The following MYH13 variants were observed in gnomAD, a reference collection of about 807,000 sequenced individuals.
The protein encoded by MYH13 is myosin heavy chain 13, also known as myosin-13.
Under a neutral mutation model 232.1 loss-of-function variants are expected in MYH13, and 177 were observed. The ratio of observed to expected loss-of-function variants is 0.76; its 90% CI spans 0.67 to 0.86. MYH13 has a LOEUF of 0.86. MYH13 is among the 40% of genes least tolerant of loss of function. The pLI is 0.00. For missense variants in MYH13, 2,246 were observed against 2,405.9 expected, an observed-to-expected ratio of 0.93 and a Z score of 1.39; for synonymous variants, 884 against 923.5, an observed-to-expected ratio of 0.96 and a Z score of 0.78.
chr17:10,370,920 A>C (rs2071873450), intron 2 of MYH13, among the ~76,000 whole-genome samples: 1 of 152,156 alleles, frequency 6.6e-6, no homozygotes, highest in South Asian at 2.1e-4. Flanking sequence ...GGACCCTATG[A>C]ACATCATGTT....
At chr17:10,341,161 G>A (rs2071616839) in intron 16 of MYH13, 1 of 151,874 alleles carries the variant, frequency 6.6e-6, no homozygotes, top group Admixed American at 6.6e-5. Flanking sequence ...TCCTGCCTCA[G>A]CCTCCCAAGT....
Position 10,306,889 on chromosome 17 carries a change from C to T in MYH13, c.5295+50G>A, listed in dbSNP as rs750801824. ...TTGCCACACCCTGGCTCAGAGGCCC[C>T]ACTTTCTCAGTTCCAAACCCCATCT... is the stretch of plus-strand genomic sequence containing the variant. On this transcript the variant is annotated intron_variant, in intron 36 of 40. Transcript: ENST00000252172. The surrounding 1 kb of genome is among the most constrained non-coding windows in gnomAD (Gnocchi z 4.3). 3.7e-6 allele frequency: 6 copies of T among 1,609,104 alleles called. No individual in the cohort carries two copies. In the South Asian group the frequency reaches 5.5e-5, roughly 15 times the overall value.
intron 8 of MYH13, 39 bp downstream of exon 8, chr17:10,357,696 G>A (rs1198441758): frequency 1.3e-6 from 2 of 1,580,160 alleles, no homozygotes; most frequent in Non-Finnish European, 1.7e-6. Context: ...GAGAGGGTAT[G>A]CTTTTGGGAG....
chr17:10,349,086 CT>C, intron 12 of MYH13, among the ~76,000 whole-genome samples: 1 of 113,466 alleles, frequency 8.8e-6, no homozygotes, highest in Non-Finnish European at 1.9e-5. Flanking sequence ...TTCTCCCCCT[CT>C]CTCTCTCTTT....
At position 10,345,280 on chromosome 17, in the gene MYH13, C is replaced by G; in HGVS notation, c.1506G>C (p.Glu502Asp). 1 of 1,614,190 alleles carries G rather than the reference C, an allele frequency of 6.2e-7. No individual in the cohort carries two copies. Among genetic ancestry groups the G allele is most frequent in the Non-Finnish European group, 8.5e-7 (1 of 1,180,028 alleles). The change falls in exon 15 of 41, where the codon GAG becomes GAC. Residue 502 changes from glutamate (E) to aspartate (D), a missense_variant. By Grantham distance (45) the Glu-to-Asp change is conservative (BLOSUM62 2). Coordinates refer to ENST00000252172, the MANE Select transcript of MYH13 (RefSeq NM_003802.3). ...NHHMFVLEQE[E>D]YKKEGIEWEF... ...CCCACTCGATGCCTTCCTTCTTGTA[C>G]TCTTCCTGCTCCAGCACGAACATGT...
rs751513177 is a variant in MYH13 at position 10,303,299 on chromosome 17, C to G, written c.5572-8G>C. 1 of 1,614,030 alleles carries G rather than the reference C, an allele frequency of 6.2e-7. No homozygotes were observed. The highest frequency in any genetic ancestry group is 1.1e-5 in the South Asian group (1 of 91,058). ...CTTGTGGTCCTCCTCAGCCTGCAAA[C>G]AGAGTACACGTGGCAGGGGCCCGCA... On this transcript the variant is annotated splice_region_variant and splice_polypyrimidine_tract_variant and intron_variant, in intron 38 of 40. Transcript: ENST00000252172.
At position 10,309,368 on chromosome 17, in the gene MYH13, C is replaced by T; in HGVS notation, c.5035G>A (p.Glu1679Lys). 6 of 1,612,986 alleles carry T rather than the reference C, an allele frequency of 3.7e-6. No homozygotes were observed. The highest frequency in any genetic ancestry group is 5.1e-6 in the Non-Finnish European group (6 of 1,179,496). ...TCCAGCAGGAGGCCATTCCTGCGCT[C>T]CACGATGGCCAGCTGCTCCTTGAGG... ...EDLKEQLAIVERRNGLLLEEL... is the reference protein window; with the variant it reads ...EDLKEQLAIVKRRNGLLLEEL... Residue 1679 changes from glutamate (E) to lysine (K), a missense_variant, in exon 35 of 41, where the codon GAG becomes AAG. Coordinates refer to ENST00000252172, the MANE Select transcript of MYH13 (RefSeq NM_003802.3).
rs1403391225 is a variant in MYH13 at position 10,345,219 on chromosome 17, TGCAG to T, written c.1563_1566del (p.Cys522SerfsTer81). Reference sequence around the variant, plus strand: ...CTCTCTACCTTCTCGATGAGCTCGATGCAGGCAGCCAGGTCCATTCCGAAGTCAA... The same window carrying T: ...CTCTCTACCTTCTCGATGAGCTCGATGCAGCCAGGTCCATTCCGAAGTCAA... On this transcript the variant is annotated frameshift_variant, in exon 15 of 41. Coordinates refer to ENST00000252172, the MANE Select transcript of MYH13 (RefSeq NM_003802.3). LOFTEE classifies it high-confidence loss of function. 6.2e-7 allele frequency: 1 copy of T among 1,614,028 alleles called. No homozygotes were observed. The highest frequency in any genetic ancestry group is 2.2e-5 in the East Asian group (1 of 44,894).
chr17:10,350,418 G>A, intron 12 of MYH13, 138 bp downstream of exon 12: 1 of 1,242,820 alleles, frequency 8.0e-7, no homozygotes, highest in Non-Finnish European at 1.1e-6. Context: ...ATGCTACAAT[G>A]AGCTTCAGGA....
At chr17:10,361,787 G>A (rs918608228) in intron 5 of MYH13, among the ~76,000 whole-genome samples, 10 of 152,196 alleles carry the variant, frequency 6.6e-5, no homozygotes, top group African/African-American at 1.9e-4. Flanking sequence ...TTTCTCCAAC[G>A]TAGCATTCCC....
At position 10,312,747 on chromosome 17, in the gene MYH13, C is replaced by A. The variant is rs772708851; in HGVS notation, c.4192G>T (p.Ala1398Ser). ...TCCTCTGCTTCCTGGAGCCTCTGGGCCAGTTTTTTCCTACGAAAACCAGAT... is the reference window on the plus strand; with the variant it reads ...TCCTCTGCTTCCTGGAGCCTCTGGGACAGTTTTTTCCTACGAAAACCAGAT... Reference protein sequence around the residue: ...EELEEAKKKLAQRLQEAEENT... With the variant: ...EELEEAKKKLSQRLQEAEENT... Residue 1398 changes from alanine to serine, a missense_variant, in exon 31 of 41, where the codon GCC becomes TCC. Ala to Ser is a moderately conservative substitution (Grantham distance 99). Coordinates refer to ENST00000252172, the MANE Select transcript of MYH13 (RefSeq NM_003802.3). 5 of 1,604,558 alleles carry A rather than the reference C, an allele frequency of 3.1e-6. No individual in the cohort carries two copies. The highest frequency in any genetic ancestry group is 2.7e-5 in the African/African-American group (2 of 74,096).
intron 21 of MYH13, 151 bp downstream of exon 21, chr17:10,330,236 C>A (rs1907364161): frequency 3.5e-6 from 4 of 1,138,786 alleles, no homozygotes; most frequent in Non-Finnish European, 4.9e-6. Flanking sequence ...ATGCAGAGCA[C>A]CCAGCCCAGG....
At chr17:10,355,828 C>T (rs900952831) in intron 8 of MYH13, among the ~76,000 whole-genome samples, 2 of 66,768 alleles carry the variant, frequency 3.0e-5, no homozygotes, top group South Asian at 7.6e-4. Context: ...TTCTGTCTGA[C>T]TTTTTTTTTT....
At chr17:10,343,618 A>G (rs1431365926) in intron 16 of MYH13, among the ~76,000 whole-genome samples, 182 bp downstream of exon 16, 3 of 152,240 alleles carry the variant, frequency 2.0e-5, no homozygotes, top group South Asian at 4.1e-4. Flanking sequence ...GTTTACCTCC[A>G]TAGAGCCCAG....
chr17:10,308,284 A>T (rs12602176), intron 35 of MYH13, among the ~76,000 whole-genome samples: 1 of 149,470 alleles, frequency 6.7e-6, no homozygotes. Flanking sequence ...AGATCGCACC[A>T]CTGCACTCCA....
At chr17:10,356,123 T>C (rs4791980) in intron 8 of MYH13, among the ~76,000 whole-genome samples, 83,456 of 152,030 alleles carry the variant, frequency 0.55, 23,025 homozygotes, top group East Asian at 0.63. Context: ...TGCGCAAATT[T>C]GAGGACAAAA....
At chr17:10,309,204 C>A in intron 35 of MYH13, 30 bp downstream of exon 35, 3 of 1,604,508 alleles carry the variant, frequency 1.9e-6, no homozygotes, top group Non-Finnish European at 2.6e-6. Context: ...CCAGGGTGGA[C>A]CTTCAGCGGA....
At chr17:10,339,752 T>C (rs1250329130) in intron 18 of MYH13, among the ~76,000 whole-genome samples, 1 of 152,238 alleles carries the variant, frequency 6.6e-6, no homozygotes, top group Non-Finnish European at 1.5e-5. Flanking sequence ...AGGAAGTATA[T>C]TCCAAATATT....
At chr17:10,356,373 C>A (rs774689311) in intron 8 of MYH13, among the ~76,000 whole-genome samples, 15 of 152,194 alleles carry the variant, frequency 9.9e-5, no homozygotes, top group Non-Finnish European at 1.8e-4. Flanking sequence ...ATGATTGTGA[C>A]TTCTGGGTCA....
Sources: allele counts gnomAD v4.1 joint callset (sites outside exome capture counted in the v4.1 genomes callset), GRCh38; gene constraint gnomAD v4.1.1; non-coding constraint Gnocchi (gnomAD v3.1); transcripts MANE v1.5; gene names NCBI Gene and HGNC (gene_info 2026-07-23, HGNC 2026-07-21).